The following WDR93 variants were observed in gnomAD, a reference collection of about 807,000 sequenced individuals.
WDR93 encodes the protein WD repeat domain 93.
Under a neutral mutation model 82.9 loss-of-function variants are expected in WDR93, and 73 were observed. The observed-to-expected ratio is 0.88, with a 90% confidence interval of 0.73 to 1.07. The LOEUF is 1.07. Ranked by LOEUF, WDR93 falls within the 50% of genes least tolerant of loss-of-function variation. The pLI is 0.00. For synonymous variants in WDR93, 283 were observed against 300.1 expected, an observed-to-expected ratio of 0.94 and a Z score of 0.59; for missense variants, 738 against 826.0, an observed-to-expected ratio of 0.89 and a Z score of 1.31.
intron 1 of WDR93, among the ~76,000 whole-genome samples, chr15:89,691,651 C>T (rs1274139035): frequency 6.6e-6 from 1 of 152,124 alleles, no homozygotes; most frequent in Non-Finnish European, 1.5e-5. Flanking sequence ...ACCCAGGAGG[C>T]GGAGGTGGCA....
chr15:89,715,143 A>T, intron 6 of WDR93, 48 bp downstream of exon 6: 1 of 1,543,626 alleles, frequency 6.5e-7, no homozygotes, highest in Non-Finnish European at 8.8e-7. Context: ...CCTACCCCTG[A>T]CCCACATCTA....
chr15:89,727,242 G>T lies in WDR93; in HGVS notation c.966G>T (p.Lys322Asn), dbSNP rs777575505. The stretch of plus-strand genomic sequence containing the variant: ...GCTCCGGGCAGAATCATTTCATCAA[G>T]GACAGTCAGTGGGAGCAGCAAGCTG... ...GLGSGQNHFI[K>N]DSQWEQQAEI... The change falls in exon 9 of 17, where the codon AAG becomes AAT. Residue 322 changes from lysine (K) to asparagine (N), a missense_variant. Transcript: ENST00000268130. The T allele has an allele frequency of 6.2e-7, 1 of 1,614,150 alleles. No homozygotes were observed.
intron 13 of WDR93, among the ~76,000 whole-genome samples, chr15:89,733,481 A>G (rs981981346): frequency 1.3e-5 from 2 of 152,198 alleles, no homozygotes; most frequent in East Asian, 3.8e-4. Flanking sequence ...CCATTGTGGC[A>G]GTACTGTGAG....
chr15:89,720,679 T>C (rs1032777785), intron 7 of WDR93, among the ~76,000 whole-genome samples: 2 of 152,224 alleles, frequency 1.3e-5, no homozygotes, highest in African/African-American at 2.4e-5. Context: ...AGAAAATCCA[T>C]TGCGATCAGA....
chr15:89,735,985 C>G (rs1369166075), intron 14 of WDR93, among the ~76,000 whole-genome samples: 1 of 152,148 alleles, frequency 6.6e-6, no homozygotes, highest in African/African-American at 2.4e-5. Flanking sequence ...GTATCTGCCA[C>G]ATGAGATTGC....
At chr15:89,734,271 C>G (rs534236154) in intron 13 of WDR93, among the ~76,000 whole-genome samples, 1 of 152,310 alleles carries the variant, frequency 6.6e-6, no homozygotes, top group Admixed American at 6.5e-5. Context: ...GGACTGGACT[C>G]AGTCCGTTTC....
At chr15:89,735,443 T>G (rs1444809941) in intron 13 of WDR93, 47 bp from the exon 14 acceptor site, 2 of 1,596,062 alleles carry the variant, frequency 1.3e-6, no homozygotes, top group Non-Finnish European at 1.7e-6. Flanking sequence ...ATCAAAACTT[T>G]TAAACTCTTA....
intron 4 of WDR93, among the ~76,000 whole-genome samples, chr15:89,708,474 G>A (rs1200164577): frequency 6.6e-6 from 1 of 152,124 alleles, no homozygotes; most frequent in Non-Finnish European, 1.5e-5. Flanking sequence ...CAAGGAGGCT[G>A]AGACCCAGCA....
At position 89,701,707 on chromosome 15, in the gene WDR93, C is replaced by G. The variant is rs780648461; in HGVS notation, c.-40C>G. The G allele has an allele frequency of 6.3e-7, 1 of 1,579,480 alleles. No individual in the cohort carries two copies. Among genetic ancestry groups the G allele is most frequent in the East Asian group, 2.3e-5 (1 of 44,392 alleles). On this transcript the variant is annotated splice_region_variant and 5_prime_UTR_variant, in exon 2 of 17. Transcript: ENST00000268130. Reference sequence around the variant, plus strand: ...TTCCTTTGTTTACTTCTCTTATCAGCTTTTCAGTTTCATAGAGGTTCCCAG... The same window carrying G: ...TTCCTTTGTTTACTTCTCTTATCAGGTTTTCAGTTTCATAGAGGTTCCCAG...
chr15:89,703,038 G>A lies in WDR93; in HGVS notation c.392G>A (p.Ser131Asn). Residue 131 changes from serine to asparagine, a missense_variant, in exon 3 of 17, where the codon AGT becomes AAT. By Grantham distance (46) the Ser-to-Asn change is conservative (BLOSUM62 1). Transcript: ENST00000268130. ...GGATTCTCAATTTATAATCTGTACAGTGCTAAACAAATATATGCGTGGGAG... is the reference window on the plus strand; with the variant it reads ...GGATTCTCAATTTATAATCTGTACAATGCTAAACAAATATATGCGTGGGAG... ...AKGFSIYNLY[S>N]AKQIYAWEKL... is the part of the protein sequence containing the mutation. 6.2e-7 allele frequency: 1 copy of A among 1,614,190 alleles called. No homozygotes were observed.
chr15:89,709,251 G>T (rs898425670), intron 4 of WDR93, among the ~76,000 whole-genome samples: 22 of 152,194 alleles, frequency 1.4e-4, no homozygotes, highest in Non-Finnish European at 8.8e-5. Context: ...AAACCCCACT[G>T]TGGCAGAGAC....
chr15:89,691,757 C>T (rs766102526), intron 1 of WDR93, among the ~76,000 whole-genome samples: 23 of 151,928 alleles, frequency 1.5e-4, no homozygotes, highest in Admixed American at 2.6e-4. Context: ...TGAACATTTT[C>T]GTAATCTTTA....
rs192644158 is a variant in WDR93, at chr15:89,717,349, C to T, written c.795+400C>T. On this transcript the variant is annotated intron_variant, in intron 7 of 16. Transcript: ENST00000268130. ...TGCTGGGATTATAGGCGTGAGTCAC[C>T]ACACTGGGCCCAAGATTTTGATTTT... Among the ~76,000 whole-genome samples the T allele has an allele frequency of 1.3e-3, 195 of 152,232 alleles. 1 individual carries two copies. The highest frequency in any genetic ancestry group is 4.4e-3 in the African/African-American group (183 of 41,556).
chr15:89,701,319 G>A (rs1375168547), intron 1 of WDR93, among the ~76,000 whole-genome samples: 2 of 152,250 alleles, frequency 1.3e-5, no homozygotes, highest in South Asian at 2.1e-4. Context: ...AAAGGGAGGA[G>A]AGTCGTGGCT....
chr15:89,691,761 A>G (rs1226355015), intron 1 of WDR93, among the ~76,000 whole-genome samples: 1 of 152,100 alleles, frequency 6.6e-6, no homozygotes, highest in Non-Finnish European at 1.5e-5. Context: ...CATTTTCGTA[A>G]TCTTTATTCC....
intron 3 of WDR93, chr15:89,704,407 A>G (rs1184288795): frequency 6.6e-6 from 1 of 152,244 alleles, no homozygotes; most frequent in Non-Finnish European, 1.5e-5. Flanking sequence ...GATACAAAGA[A>G]ACTCTGTACT....
chr15:89,732,705 G>A (rs1365482981), intron 12 of WDR93, among the ~76,000 whole-genome samples: 3 of 151,904 alleles, frequency 2.0e-5, no homozygotes, highest in Non-Finnish European at 4.4e-5. Context: ...ATGGTCAGCT[G>A]CGCCTCAGTC....
At position 89,733,203 on chromosome 15, in the gene WDR93, A is replaced by AGT; in HGVS notation, c.1532_1533dup (p.Leu512CysfsTer7). The AGT allele has an allele frequency of 6.2e-7, 1 of 1,613,826 alleles. No individual in the cohort carries two copies. The highest frequency in any genetic ancestry group is 8.5e-7 in the Non-Finnish European group (1 of 1,179,800). On this transcript the variant is annotated frameshift_variant, in exon 13 of 17. Transcript: ENST00000268130. LOFTEE classifies it high-confidence loss of function. ...TAGCGGGACCCAAGGACCCACCATC[A>AGT]GTGTGCTTGTTGAGAGGTCAGTAGC...
intron 1 of WDR93, among the ~76,000 whole-genome samples, chr15:89,693,112 T>C (rs1421072716): frequency 6.6e-6 from 1 of 152,234 alleles, no homozygotes; most frequent in Admixed American, 6.5e-5. Flanking sequence ...ATTCACCCAC[T>C]GAAGTACATT....
Sources: allele counts gnomAD v4.1 joint callset (sites outside exome capture counted in the v4.1 genomes callset), GRCh38; gene constraint gnomAD v4.1.1; transcripts MANE v1.5; gene names NCBI Gene and HGNC (gene_info 2026-07-23, HGNC 2026-07-21).